PTPRT: variants seen among roughly 807,000 people sequenced by gnomAD.
The protein encoded by PTPRT is protein tyrosine phosphatase receptor type T, also known as receptor-type tyrosine-protein phosphatase T.
Under a neutral mutation model 176.8 loss-of-function variants are expected in PTPRT, and 56 were observed. The observed-to-expected ratio is 0.32, with a 90% confidence interval of 0.26 to 0.40. PTPRT has a LOEUF of 0.40. Ranked by LOEUF, PTPRT falls within the 10% of genes least tolerant of loss-of-function variation. The probability of loss-of-function intolerance (pLI) is 1.00; values close to 1 mark genes in which losing one functional copy is unlikely to be tolerated. For missense variants in PTPRT, 1,540 were observed against 1,908.2 expected (o/e 0.81, Z 3.60); for synonymous variants, 783 against 739.0 (o/e 1.06, Z -0.96).
Position 42,078,775 on chromosome 20 carries a change from A to C in PTPRT, c.*2104T>G, listed in dbSNP as rs1350621626. The stretch of plus-strand genomic sequence containing the variant: ...TTTTCACATTTCTTTGCCATTGCAC[A>C]TATGGATCCCTTTGCCTGAGTTTCC... On this transcript the variant is annotated 3_prime_UTR_variant, in exon 31 of 31. Coordinates refer to ENST00000373187, the MANE Select transcript of PTPRT (RefSeq NM_007050.6). The C allele has an allele frequency of 5.7e-6, 1 of 176,142 alleles. No homozygotes were observed. The highest frequency in any genetic ancestry group is 1.2e-5 in the Non-Finnish European group (1 of 81,840). 10.9% of individuals were successfully genotyped at this position (176,142 alleles called of 1,614,324 possible).
rs148626461 is a variant in PTPRT at position 42,951,242 on chromosome 20, G to C, written c.89-65310C>G. Among the ~76,000 whole-genome samples, 356 of 152,188 alleles carry C rather than the reference G, an allele frequency of 2.3e-3. 2 individuals carry two copies. Among genetic ancestry groups the C allele is most frequent in the African/African-American group, 8.0e-3 (334 of 41,528 alleles). ...GGGTGGGTATATGGATGGATGCTTG[G>C]ATTCATGGAGGGGTGGATGGATGGA... On this transcript the variant is annotated intron_variant, in intron 1 of 30. Transcript: ENST00000373187.
intron 11 of PTPRT, among the ~76,000 whole-genome samples, chr20:42,329,249 T>C (rs2057929687): frequency 6.6e-6 from 1 of 152,212 alleles, no homozygotes; most frequent in African/African-American, 2.4e-5. Context: ...TAATATAATT[T>C]AGACCAATTC....
intron 27 of PTPRT, among the ~76,000 whole-genome samples, chr20:42,095,479 C>T (rs965641778): frequency 2.6e-5 from 4 of 152,158 alleles, no homozygotes; most frequent in Non-Finnish European, 5.9e-5. Flanking sequence ...GCCTGTGATG[C>T]CCCCCTGAGA....
intron 1 of PTPRT, among the ~76,000 whole-genome samples, chr20:42,930,185 C>G (rs1025576772): frequency 6.6e-6 from 1 of 152,196 alleles, no homozygotes; most frequent in Non-Finnish European, 1.5e-5. Flanking sequence ...GCTTTGGAAG[C>G]ACTGACAACT....
At chr20:42,533,731 T>G (rs1283024236) in intron 7 of PTPRT, among the ~76,000 whole-genome samples, 1 of 152,220 alleles carries the variant, frequency 6.6e-6, no homozygotes, top group Non-Finnish European at 1.5e-5. Flanking sequence ...TGCCTTGAGG[T>G]CTGGCTAACA....
At chr20:42,336,821 T>C (rs1481976356) in intron 11 of PTPRT, among the ~76,000 whole-genome samples, 3 of 152,202 alleles carry the variant, frequency 2.0e-5, no homozygotes, top group African/African-American at 7.2e-5. Flanking sequence ...TTCAGATGGC[T>C]GTGGATTAGC....
intron 3 of PTPRT, among the ~76,000 whole-genome samples, chr20:42,783,503 T>C (rs1208565431): frequency 6.6e-6 from 1 of 152,054 alleles, no homozygotes; most frequent in Non-Finnish European, 1.5e-5. Flanking sequence ...CTGAGTATGA[T>C]CAAAAGGTGC....
chr20:42,777,686 G>A (rs912662596), intron 4 of PTPRT, among the ~76,000 whole-genome samples: 51 of 152,240 alleles, frequency 3.3e-4, no homozygotes, highest in Middle Eastern at 6.8e-3. Context: ...ACACATAGCT[G>A]ATGTACAATA....
intron 3 of PTPRT, among the ~76,000 whole-genome samples, chr20:42,790,668 T>C (rs917777148): frequency 3.3e-5 from 5 of 152,134 alleles, no homozygotes; most frequent in African/African-American, 1.2e-4. Context: ...GTACACACTG[T>C]CTGTGACAAC....
At chr20:42,162,024 C>T (rs1989624703) in intron 16 of PTPRT, among the ~76,000 whole-genome samples, 2 of 152,140 alleles carry the variant, frequency 1.3e-5, no homozygotes, top group East Asian at 3.9e-4. Flanking sequence ...TGGCTGTGAC[C>T]TGGCTTCTCT....
At chr20:42,950,627 CAG>C (rs1218220397) in intron 1 of PTPRT, among the ~76,000 whole-genome samples, 1 of 152,196 alleles carries the variant, frequency 6.6e-6, no homozygotes, top group Non-Finnish European at 1.5e-5. Flanking sequence ...GGAGTCACTA[CAG>C]AGGAGGCACC....
In PTPRT at chr20:42,248,761, C is replaced by G. The variant is rs1437121147; in HGVS notation, c.2238G>C (p.Lys746Asn). The G allele has an allele frequency of 6.2e-7, 1 of 1,614,116 alleles. No individual in the cohort carries two copies. Among genetic ancestry groups the G allele is most frequent in the South Asian group, 1.1e-5 (1 of 91,062 alleles). ...EPEKQVDNTV[K>N]MAGVIAGLLM... is the part of the protein sequence containing the mutation. ...GGAGGCCAGCGATCACGCCAGCCATCTTCACGGTGTTGTCCACCTGCTTCT... is the reference window on the plus strand; with the variant it reads ...GGAGGCCAGCGATCACGCCAGCCATGTTCACGGTGTTGTCCACCTGCTTCT... Residue 746 changes from lysine to asparagine, a missense_variant, in exon 14 of 31, where the codon AAG becomes AAC. Around this residue, in one of 11 missense-constraint regions of PTPRT, gnomAD observed 255 missense variants for 250.1 expected, o/e 1.02. Coordinates refer to ENST00000373187, the MANE Select transcript of PTPRT (RefSeq NM_007050.6).
intron 1 of PTPRT, among the ~76,000 whole-genome samples, chr20:42,916,855 A>ATATT (rs1175762188): frequency 6.6e-6 from 1 of 151,996 alleles, no homozygotes; most frequent in Non-Finnish European, 1.5e-5. Flanking sequence ...TAGATTCTGG[A>ATATT]TATTAGCCCT....
chr20:42,971,366 AC>A (rs1982625496), intron 1 of PTPRT: 1 of 152,216 alleles, frequency 6.6e-6, no homozygotes, highest in Non-Finnish European at 1.5e-5. Context: ...AAACAGACTT[AC>A]CCAAAAAGGC....
At chr20:42,643,522 G>A (rs1285248898) in intron 7 of PTPRT, among the ~76,000 whole-genome samples, 1 of 151,014 alleles carries the variant, frequency 6.6e-6, no homozygotes, top group Non-Finnish European at 1.5e-5. Context: ...TTGCTACGTT[G>A]CCCATGCTGG....
intron 6 of PTPRT, among the ~76,000 whole-genome samples, chr20:42,695,123 T>TA (rs2075854449): frequency 6.6e-6 from 1 of 152,238 alleles, no homozygotes; most frequent in Non-Finnish European, 1.5e-5. Flanking sequence ...ATTCTAGACA[T>TA]TAGTCCTTTG....
At chr20:42,634,012 A>T (rs1474440760) in intron 7 of PTPRT, among the ~76,000 whole-genome samples, 7 of 28,802 alleles carry the variant, frequency 2.4e-4, no homozygotes, top group Non-Finnish European at 3.9e-4. Context: ...TATATATATA[A>T]TATATATATA....
chr20:42,274,536 A>AGT (rs529883269), intron 13 of PTPRT, among the ~76,000 whole-genome samples: 6,572 of 113,064 alleles, frequency 0.058, 212 homozygotes, highest in East Asian at 0.089. Flanking sequence ...GGCCCTGTAC[A>AGT]GTGTGTGTGT....
At chr20:42,658,352 T>C (rs778575141) in intron 7 of PTPRT, among the ~76,000 whole-genome samples, 3 of 152,192 alleles carry the variant, frequency 2.0e-5, no homozygotes, top group Non-Finnish European at 4.4e-5. Context: ...AATATACCTA[T>C]TTTCTCTGCA....
Sources: gnomAD v4.1 joint callset for allele counts (sites outside exome capture counted in the v4.1 genomes callset) on GRCh38, gnomAD v4.1.1 for gene constraint, gnomAD v4.1.1 regional missense constraint, MANE v1.5 for transcripts, NCBI Gene and HGNC (gene_info 2026-07-23, HGNC 2026-07-21) for gene names.